The following ARMC8 variants were observed in gnomAD, a reference collection of about 807,000 sequenced individuals.
ARMC8 encodes the protein armadillo repeat containing 8.
A neutral mutation model predicts 99.3 loss-of-function variants in ARMC8; 20 were observed. The observed-to-expected ratio is 0.20, with a 90% CI of 0.14 to 0.29. ARMC8 has a LOEUF of 0.29. Among genes scored for constraint, ARMC8 ranks in the 10% least tolerant of loss-of-function variants. The pLI is 1.00. For missense variants in ARMC8, 569 were observed against 809.5 expected (o/e 0.70, Z 3.60); for synonymous variants, 263 against 278.3 (o/e 0.95, Z 0.55).
At chr3:138,262,499 C>T in intron 12 of ARMC8, 1 of 1,586,014 alleles carries the variant, frequency 6.3e-7, no homozygotes, top group Non-Finnish European at 8.5e-7. Flanking sequence ...AGGTTTTCCA[C>T]TCTCTCATGT....
At chr3:138,265,221 T>G (rs888550994) in intron 14 of ARMC8, among the ~76,000 whole-genome samples, 1 of 152,068 alleles carries the variant, frequency 6.6e-6, no homozygotes, top group Admixed American at 6.6e-5. Flanking sequence ...TAACATAACA[T>G]TTTTGGTGTT....
chr3:138,229,664 C>G (rs2045936541), intron 6 of ARMC8, among the ~76,000 whole-genome samples: 1 of 152,122 alleles, frequency 6.6e-6, no homozygotes, highest in Admixed American at 6.5e-5. Flanking sequence ...GAGAGAGATT[C>G]TTCTCATTGT....
At chr3:138,231,644 T>C (rs1037973701) in intron 6 of ARMC8, among the ~76,000 whole-genome samples, 1 of 152,094 alleles carries the variant, frequency 6.6e-6, no homozygotes, top group South Asian at 2.1e-4. Flanking sequence ...AGGCCAGGTG[T>C]GGTGGCTCAT....
At chr3:138,198,171 T>C (rs2043844220) in intron 1 of ARMC8, among the ~76,000 whole-genome samples, 1 of 152,052 alleles carries the variant, frequency 6.6e-6, no homozygotes, top group African/African-American at 2.4e-5. Flanking sequence ...ACCCTGTCTC[T>C]TGGGGGCAAA....
intron 12 of ARMC8, chr3:138,262,408 T>A: frequency 1.9e-6 from 2 of 1,078,272 alleles, no homozygotes; most frequent in South Asian, 3.4e-5. Flanking sequence ...TGGTTCCCTG[T>A]TCTTAATAGA....
chr3:138,238,166 C>G (rs113451560), intron 9 of ARMC8: 1 of 151,896 alleles, frequency 6.6e-6, no homozygotes, highest in African/African-American at 2.4e-5. Context: ...CTCCCAGGTT[C>G]AAGCAATTCT....
At chr3:138,201,711 G>A (rs2044093653) in intron 1 of ARMC8, among the ~76,000 whole-genome samples, 1 of 151,740 alleles carries the variant, frequency 6.6e-6, no homozygotes, top group African/African-American at 2.4e-5. Context: ...TGCCCGCCTC[G>A]GTCTCCCAAA....
At chr3:138,240,022 A>ATT (rs771299955) in intron 10 of ARMC8, among the ~76,000 whole-genome samples, 8 of 152,184 alleles carry the variant, frequency 5.3e-5, no homozygotes, top group South Asian at 4.2e-4. Context: ...ATTTAGAAAA[A>ATT]CCTGGAGAAA....
At chr3:138,259,356 T>C (rs1399452822) in intron 12 of ARMC8, among the ~76,000 whole-genome samples, 1 of 152,224 alleles carries the variant, frequency 6.6e-6, no homozygotes, top group African/African-American at 2.4e-5. Flanking sequence ...ATTTTTGTCC[T>C]CATTTTTGTC....
At chr3:138,193,098 A>G (rs1010099204) in intron 1 of ARMC8, among the ~76,000 whole-genome samples, 2 of 151,862 alleles carry the variant, frequency 1.3e-5, no homozygotes, top group African/African-American at 4.8e-5. Flanking sequence ...CCTCCCAGGT[A>G]GCTGGGATTA....
intron 5 of ARMC8, among the ~76,000 whole-genome samples, chr3:138,225,827 G>A (rs2045666751): frequency 6.6e-6 from 1 of 152,138 alleles, no homozygotes; most frequent in African/African-American, 2.4e-5. Context: ...TCGAGGAATA[G>A]GCAAAGCAAG....
intron 12 of ARMC8, among the ~76,000 whole-genome samples, chr3:138,250,038 A>G (rs1217090851): frequency 6.6e-6 from 1 of 152,200 alleles, no homozygotes; most frequent in East Asian, 1.9e-4. Context: ...TGTTCCTTGA[A>G]GGAAAAAAAG....
chr3:138,272,850 C>A, intron 16 of ARMC8, 117 bp from the exon 17 acceptor site: 2 of 917,720 alleles, frequency 2.2e-6, no homozygotes, highest in South Asian at 2.7e-5. Context: ...CCAGCCTGGG[C>A]GACAGAGCAA....
chr3:138,285,702 C>T (rs758564055), intron 19 of ARMC8, among the ~76,000 whole-genome samples: 2 of 152,160 alleles, frequency 1.3e-5, no homozygotes, highest in Admixed American at 6.5e-5. Flanking sequence ...TTTACCACAG[C>T]GTAAGTTCCA....
At chr3:138,285,453 A>AATTT (rs2050318972) in intron 19 of ARMC8, among the ~76,000 whole-genome samples, 1 of 152,182 alleles carries the variant, frequency 6.6e-6, no homozygotes, top group African/African-American at 2.4e-5. Context: ...TACACTGGCC[A>AATTT]CTTGAAGTTT....
intron 11 of ARMC8, among the ~76,000 whole-genome samples, chr3:138,242,250 C>G (rs2046661540): frequency 6.6e-6 from 1 of 152,176 alleles, no homozygotes; most frequent in Non-Finnish European, 1.5e-5. Flanking sequence ...GTAGTGGATT[C>G]TCCAAGCTGG....
chr3:138,234,301 G>A (rs1576707471), intron 6 of ARMC8, among the ~76,000 whole-genome samples: 1 of 151,986 alleles, frequency 6.6e-6, no homozygotes, highest in South Asian at 2.1e-4. Flanking sequence ...TAGTAGAGAC[G>A]GGATTTCACC....
intron 19 of ARMC8, among the ~76,000 whole-genome samples, chr3:138,285,078 T>C (rs2050277016): frequency 6.6e-6 from 1 of 152,186 alleles, no homozygotes; most frequent in Non-Finnish European, 1.5e-5. Context: ...GTCACACCTA[T>C]CTGTCTTCTC....
At chr3:138,220,341 A>G (rs1237167930) in intron 2 of ARMC8, among the ~76,000 whole-genome samples, 1 of 152,196 alleles carries the variant, frequency 6.6e-6, no homozygotes, top group Non-Finnish European at 1.5e-5. Context: ...TCCCATAAAC[A>G]ACAACAAAAA....
Sources: allele counts gnomAD v4.1 joint callset (sites outside exome capture counted in the v4.1 genomes callset), GRCh38; gene constraint gnomAD v4.1.1; transcripts MANE v1.5; gene names NCBI Gene and HGNC (gene_info 2026-07-23, HGNC 2026-07-21).